SPTB: variants seen among roughly 807,000 people sequenced by gnomAD.
SPTB encodes spectrin beta, erythrocytic, also known as spectrin beta chain, erythrocytic.
In SPTB, 45 loss-of-function variants were observed where a neutral mutation model predicts 256.2. The ratio of observed to expected loss-of-function variants is 0.18; its 90% CI spans 0.14 to 0.23. The LOEUF (loss-of-function observed/expected upper bound fraction) is 0.23. SPTB is among the 10% of genes least tolerant of loss of function. SPTB has a pLI of 1.00. For synonymous variants in SPTB, 1,231 were observed against 1,243.1 expected (o/e 0.99, Z 0.21); for missense variants, 2,715 against 3,040.4 (o/e 0.89, Z 2.52).
chr14:64,851,239 T>G (rs2083780207), intron 1 of SPTB, among the ~76,000 whole-genome samples: 1 of 152,242 alleles, frequency 6.6e-6, no homozygotes, highest in Non-Finnish European at 1.5e-5. Context: ...TGAGCAGATT[T>G]CCTGTGTCAT....
At chr14:64,803,303 T>C (rs1277149933) in intron 4 of SPTB, among the ~76,000 whole-genome samples, 2 of 152,184 alleles carry the variant, frequency 1.3e-5, no homozygotes, top group Non-Finnish European at 2.9e-5. Context: ...AGAAGTTACA[T>C]GTATAGGGGG....
chr14:64,862,304 G>C (rs1566808671), intron 1 of SPTB, among the ~76,000 whole-genome samples: 1 of 152,034 alleles, frequency 6.6e-6, no homozygotes, highest in East Asian at 1.9e-4. Context: ...TCAAGTGCCA[G>C]TGGGCACCAC....
In SPTB at chr14:64,766,620, G is replaced by A. The variant is rs548475087; in HGVS notation, c.6345+106C>T. The A allele has an allele frequency of 6.2e-6, 10 of 1,610,100 alleles. No homozygotes were observed. In the East Asian group the frequency reaches 6.7e-5, roughly 11 times the overall value. ...GGATGTGGGGAGGATGGAGGGCGGG[G>A]CTGCGCCAGCTCATCTCGCCTCCAC... is the stretch of plus-strand genomic sequence containing the variant. On this transcript the variant is annotated intron_variant, in intron 32 of 35. Coordinates refer to ENST00000644917, the MANE Select transcript of SPTB (RefSeq NM_001355436.2).
rs1201120380 is a variant in SPTB, at chr14:64,806,467, T to C, written c.149-1377A>G. On this transcript the variant is annotated intron_variant, in intron 2 of 35. Transcript: ENST00000644917. The surrounding 1 kb of genome is among the most constrained non-coding windows in gnomAD (Gnocchi z 4.1). ...GGTCGGAGCAGGCTGTGTGCTCGAC[T>C]GAGCCTCAACCGTGAAAGGGCTGGC... 2.0e-5 allele frequency among the ~76,000 whole-genome samples: 3 copies of C among 152,268 alleles called. No homozygotes were observed. Among genetic ancestry groups the C allele is most frequent in the African/African-American group, 7.2e-5 (3 of 41,472 alleles).
intron 26 of SPTB, among the ~76,000 whole-genome samples, chr14:64,771,633 T>G (rs182939852): frequency 2.4e-4 from 37 of 152,214 alleles, no homozygotes; most frequent in African/African-American, 7.9e-4. Context: ...GTGCTGCCTC[T>G]CCAAGGAAGT....
intron 32 of SPTB, chr14:64,763,714 G>C (rs763895807): frequency 1.9e-5 from 10 of 518,110 alleles, no homozygotes; most frequent in South Asian, 1.3e-4. Flanking sequence ...TTTGTCTTTC[G>C]TGAGTGAGGT....
intron 1 of SPTB, among the ~76,000 whole-genome samples, chr14:64,846,475 GGCA>G (rs1448255511): frequency 6.6e-6 from 1 of 152,210 alleles, no homozygotes; most frequent in Non-Finnish European, 1.5e-5. Context: ...TGCCTGAAAG[GGCA>G]GCAGAACGCA....
chr14:64,779,603 G>T lies in SPTB; in HGVS notation c.4473+122C>A. Reference sequence around the variant, plus strand: ...AATGTAATCCTCACAAGAACCCTATGAGATAAGGGGTGAGGTGACCAGTCA... The same window carrying T: ...AATGTAATCCTCACAAGAACCCTATTAGATAAGGGGTGAGGTGACCAGTCA... On this transcript the variant is annotated intron_variant, in intron 21 of 35. Transcript: ENST00000644917. The surrounding 1 kb of genome is among the most constrained non-coding windows in gnomAD (Gnocchi z 4.2). The T allele has an allele frequency of 1.0e-6, 1 of 979,506 alleles. No homozygotes were observed. The highest frequency in any genetic ancestry group is 1.6e-5 in the African/African-American group (1 of 62,948). 60.7% of individuals were successfully genotyped at this position (979,506 alleles called of 1,614,324 possible). A position where few individuals can be genotyped will look rare whatever the true frequency, so the allele number is the denominator to read the frequency against.
Position 64,794,478 on chromosome 14 carries a change from G to A in SPTB, c.1784C>T (p.Thr595Ile), listed in dbSNP as rs1416270783. The change falls in exon 13 of 36, where the codon ACC becomes ATC. Residue 595 changes from threonine (T) to isoleucine (I), a missense_variant. Transcript: ENST00000644917. ...AGACTTGGTCTCACCTTTCCCCTCG[G>A]TGAACTTCAGGGTGGCTGCGGTGAT... ...KAITAATLKF[T>I]EGKGYQPCDP... is the part of the protein sequence containing the mutation. 3 of 1,614,178 alleles carry A rather than the reference G, an allele frequency of 1.9e-6. No individual in the cohort carries two copies.
Position 64,791,769 on chromosome 14 carries a change from G to C in SPTB, c.2754C>G (p.Gly918=). Residue 918 remains glycine (G), a synonymous_variant, in exon 15 of 36, where the codon GGC becomes GGG. Coordinates refer to ENST00000644917, the MANE Select transcript of SPTB (RefSeq NM_001355436.2). The part of the protein sequence containing the change: ...NLAANSLVES[G]HPRSREVKQY... Reference sequence around the variant, plus strand: ...GCTTCACCTCCCTGCTGCGTGGGTGGCCACTCTCTACCAAGCTGTTGGCAG... The same window carrying C: ...GCTTCACCTCCCTGCTGCGTGGGTGCCCACTCTCTACCAAGCTGTTGGCAG... 1 of 1,613,982 alleles carries C rather than the reference G, an allele frequency of 6.2e-7. No individual in the cohort carries two copies. Among genetic ancestry groups the C allele is most frequent in the Non-Finnish European group, 8.5e-7 (1 of 1,180,008 alleles).
In SPTB at chr14:64,758,324, G is replaced by A. The variant is rs571897730; in HGVS notation, c.6346-4531C>T. On this transcript the variant is annotated intron_variant, in intron 32 of 35. Transcript: ENST00000644917. The surrounding 1 kb of genome is among the most constrained non-coding windows in gnomAD (Gnocchi z 4.6). ...GCAAGGCCTCAGCCCCTCCTTTCTCGGCCAGTTTCAGTTGGAACATTCTGA... is the reference window on the plus strand; with the variant it reads ...GCAAGGCCTCAGCCCCTCCTTTCTCAGCCAGTTTCAGTTGGAACATTCTGA... 1.6e-4 allele frequency among the ~76,000 whole-genome samples: 24 copies of A among 152,346 alleles called. No homozygotes were observed. The highest frequency in any genetic ancestry group is 5.1e-4 in the African/African-American group (21 of 41,582).
intron 2 of SPTB, among the ~76,000 whole-genome samples, chr14:64,810,324 A>G (rs2083064545): frequency 6.6e-6 from 1 of 152,222 alleles, no homozygotes; most frequent in South Asian, 2.1e-4. Flanking sequence ...TTCATACCTC[A>G]TACTCCAGGA....
intron 2 of SPTB, among the ~76,000 whole-genome samples, chr14:64,822,376 A>T (rs375255893): frequency 2.3e-4 from 22 of 95,912 alleles, no homozygotes; most frequent in South Asian, 8.0e-4. Context: ...TCTCTCTCTC[A>T]CACACACACA....
intron 19 of SPTB, 95 bp from the exon 20 acceptor site, chr14:64,782,648 G>GCAAAAGAA: frequency 6.4e-7 from 1 of 1,557,476 alleles, no homozygotes; most frequent in East Asian, 2.2e-5. Flanking sequence ...CCAAGAGGAG[G>GCAAAAGAA]TCAGTAAGGC....
rs1012392433 is a variant in SPTB at position 64,777,478 on chromosome 14, C to G, written c.4563+1679G>C. On this transcript the variant is annotated intron_variant, in intron 22 of 35. Transcript: ENST00000644917. This position sits in a 1 kb window ranked among gnomAD's most constrained non-coding sequence, Gnocchi z 4.5. ...TTCCCTAGGTGATGTGAGTGTACAG[C>G]CAGGGGTGAGAGCCCTTCATGTACT... 1.3e-5 allele frequency among the ~76,000 whole-genome samples: 2 copies of G among 152,172 alleles called. No individual in the cohort carries two copies. The highest frequency in any genetic ancestry group is 2.9e-5 in the Non-Finnish European group (2 of 68,034).
chr14:64,770,750 T>G (rs764482142), intron 27 of SPTB, 135 bp downstream of exon 27: 1 of 1,396,078 alleles, frequency 7.2e-7, no homozygotes, highest in Non-Finnish European at 1.0e-6. Context: ...AGGCCTCAAG[T>G]GTCCCCCAGG....
chr14:64,872,556 T>C (rs1882592023), intron 1 of SPTB, among the ~76,000 whole-genome samples: 1 of 152,230 alleles, frequency 6.6e-6, no homozygotes, highest in South Asian at 2.1e-4. Flanking sequence ...GACCCGCTTT[T>C]CTCTCCAGCA....
Position 64,786,254 on chromosome 14 carries a change from T to C in SPTB, c.3561+150A>G. 3 of 1,213,048 alleles carry C rather than the reference T, an allele frequency of 2.5e-6. No individual in the cohort carries two copies. The highest frequency in any genetic ancestry group is 1.2e-5 in the South Asian group (1 of 81,764). 75.1% of individuals were successfully genotyped at this position (1,213,048 alleles called of 1,614,324 possible). On this transcript the variant is annotated intron_variant, in intron 16 of 35. Coordinates refer to ENST00000644917, the MANE Select transcript of SPTB (RefSeq NM_001355436.2). This position sits in a 1 kb window ranked among gnomAD's most constrained non-coding sequence, Gnocchi z 5.6. ...GGGACACAAGGCTGGAAAAGGCCCC[T>C]AATGAGAAACAAAGATTTCCCCCAT...
rs75275520 is a variant in SPTB at position 64,824,978 on chromosome 14, C to T, written c.-51-1833G>A. Among the ~76,000 whole-genome samples the T allele has an allele frequency of 1.3e-5, 2 of 152,118 alleles. No individual in the cohort carries two copies. Among genetic ancestry groups the T allele is most frequent in the African/African-American group, 4.8e-5 (2 of 41,430 alleles). On this transcript the variant is annotated intron_variant, in intron 1 of 35. Coordinates refer to ENST00000644917, the MANE Select transcript of SPTB (RefSeq NM_001355436.2). This position sits in a 1 kb window ranked among gnomAD's most constrained non-coding sequence, Gnocchi z 5.7. ...AGGAGGAGGCCTCCCCAGGGTCATC[C>T]GGTGGAATGACTGCGGCTGGGACCA...
Sources: allele counts gnomAD v4.1 joint callset (sites outside exome capture counted in the v4.1 genomes callset), GRCh38; gene constraint gnomAD v4.1.1; non-coding constraint Gnocchi (gnomAD v3.1); transcripts MANE v1.5; gene names NCBI Gene and HGNC (gene_info 2026-07-23, HGNC 2026-07-21).